Variants in KLF3 observed in about 807,000 individuals in gnomAD.
The protein encoded by KLF3 is KLF transcription factor 3.
A neutral mutation model predicts 32.7 loss-of-function variants in KLF3; 6 were observed. The ratio of observed to expected loss-of-function variants is 0.18; its 90% CI spans 0.10 to 0.36. KLF3 has a LOEUF of 0.36. Ranked by LOEUF, KLF3 falls within the 10% of genes least tolerant of loss-of-function variation. The pLI is 1.00. For synonymous variants in KLF3, 145 were observed against 172.8 expected (o/e 0.84, Z 1.26); for missense variants, 338 against 449.7 (o/e 0.75, Z 2.25).
intron 2 of KLF3, among the ~76,000 whole-genome samples, chr4:38,684,799 T>C (rs1722644495): frequency 6.6e-6 from 1 of 152,106 alleles, no homozygotes; most frequent in African/African-American, 2.4e-5. Flanking sequence ...TAAGATATCC[T>C]CCTGCCTCAG....
chr4:38,674,954 C>A lies in KLF3; in HGVS notation c.-39-5633C>A, dbSNP rs527917537. On this transcript the variant is annotated intron_variant, in intron 1 of 5. Transcript: ENST00000261438. This position sits in a 1 kb window ranked among gnomAD's most constrained non-coding sequence, Gnocchi z 4.1. ...CCCTAACCTCGTCTTCCATGAAGGA[C>A]TGTGTGTGTGTTTCTAAGCCCTGCA... is the stretch of plus-strand genomic sequence containing the variant. Among the ~76,000 whole-genome samples the A allele has an allele frequency of 1.3e-5, 2 of 152,294 alleles. No homozygotes were observed. The highest frequency in any genetic ancestry group is 3.9e-4 in the East Asian group (2 of 5,192).
At chr4:38,675,385 G>GCCCTT (rs1722312917) in intron 1 of KLF3, among the ~76,000 whole-genome samples, 1 of 129,790 alleles carries the variant, frequency 7.7e-6, no homozygotes, top group Non-Finnish European at 1.8e-5. Flanking sequence ...AAACAATTTT[G>GCCCTT]CCCTTCCCCC....
intron 1 of KLF3, 22 bp from the exon 2 acceptor site, chr4:38,680,565 G>T: frequency 8.1e-7 from 1 of 1,229,384 alleles, no homozygotes. Context: ...GACTTAGATG[G>T]ATACCTTGTT....
Position 38,700,759 on chromosome 4 carries a change from A to G in KLF3, c.*3496A>G, listed in dbSNP as rs972415530. 6.6e-6 allele frequency: 1 copy of G among 152,182 alleles called. No individual in the cohort carries two copies. Among genetic ancestry groups the G allele is most frequent in the Non-Finnish European group, 1.5e-5 (1 of 68,032 alleles). The allele number at this position is 152,182 out of a possible 1,614,324, so 9.4% of individuals were successfully genotyped here. On this transcript the variant is annotated 3_prime_UTR_variant, in exon 6 of 6. Transcript: ENST00000261438. Reference sequence around the variant, plus strand: ...ATAAACTATGCAGAAATTTTTAATAAAGTGTAATATATTTTATAAGCTAAT... The same window carrying G: ...ATAAACTATGCAGAAATTTTTAATAGAGTGTAATATATTTTATAAGCTAAT...
chr4:38,669,951 A>G (rs1440508205), intron 1 of KLF3, among the ~76,000 whole-genome samples: 1 of 33,516 alleles, frequency 3.0e-5, no homozygotes, highest in Non-Finnish European at 5.3e-5. Context: ...CCTTGTCCTT[A>G]TTCTGTAATG....
At chr4:38,685,107 A>G (rs921310271) in intron 2 of KLF3, among the ~76,000 whole-genome samples, 1 of 152,204 alleles carries the variant, frequency 6.6e-6, no homozygotes, top group Non-Finnish European at 1.5e-5. Context: ...TTGATAGAAC[A>G]TAGGAACTGT....
chr4:38,664,649 C>A (rs1721947562), intron 1 of KLF3, 188 bp downstream of exon 1: 1 of 149,792 alleles, frequency 6.7e-6, no homozygotes, highest in Non-Finnish European at 1.5e-5. Context: ...GGGGTGGGGG[C>A]GGAGAGCAAG....
intron 2 of KLF3, among the ~76,000 whole-genome samples, chr4:38,681,756 A>C (rs981738594): frequency 6.6e-6 from 1 of 152,134 alleles, no homozygotes; most frequent in Non-Finnish European, 1.5e-5. Context: ...AAGGGGGAAA[A>C]CTTGGCCCGA....
rs374565047 is a variant in KLF3 at position 38,688,356 on chromosome 4, C to G, written c.58-229C>G. ...TCAGATTTTTCATCTGCAGTAGTGA[C>G]CACATTGATCTTAGTTTTAATATTT... On this transcript the variant is annotated intron_variant, in intron 2 of 5. Transcript: ENST00000261438. This position sits in a 1 kb window ranked among gnomAD's most constrained non-coding sequence, Gnocchi z 4.9. 6.6e-6 allele frequency among the ~76,000 whole-genome samples: 1 copy of G among 152,152 alleles called. No homozygotes were observed. Among genetic ancestry groups the G allele is most frequent in the East Asian group, 1.9e-4 (1 of 5,196 alleles).
chr4:38,688,028 C>T lies in KLF3; in HGVS notation c.58-557C>T, dbSNP rs1722752974. 2.0e-5 allele frequency among the ~76,000 whole-genome samples: 3 copies of T among 152,276 alleles called. No individual in the cohort carries two copies. Among genetic ancestry groups the T allele is most frequent in the South Asian group, 4.1e-4 (2 of 4,824 alleles). ...GAAAGGTACTGCCTATCCTGCAGCCCCATTCTTGCTTATTATACACAAGTA... is the reference window on the plus strand; with the variant it reads ...GAAAGGTACTGCCTATCCTGCAGCCTCATTCTTGCTTATTATACACAAGTA... On this transcript the variant is annotated intron_variant, in intron 2 of 5. Coordinates refer to ENST00000261438, the MANE Select transcript of KLF3 (RefSeq NM_016531.6). This position sits in a 1 kb window ranked among gnomAD's most constrained non-coding sequence, Gnocchi z 4.9.
intron 4 of KLF3, among the ~76,000 whole-genome samples, chr4:38,694,257 G>A (rs1249426472): frequency 6.6e-6 from 1 of 152,198 alleles, no homozygotes; most frequent in East Asian, 1.9e-4. Context: ...AGACTTAGGA[G>A]TTTGATCTTT....
At chr4:38,677,110 G>A (rs1394443211) in intron 1 of KLF3, among the ~76,000 whole-genome samples, 3 of 151,880 alleles carry the variant, frequency 2.0e-5, no homozygotes, top group South Asian at 2.1e-4. Context: ...GCAGGTGTGC[G>A]CCACCACACC....
At chr4:38,689,643 T>A in intron 3 of KLF3, 86 bp from the exon 4 acceptor site, 1 of 920,608 alleles carries the variant, frequency 1.1e-6, no homozygotes. Flanking sequence ...CATATCTGTG[T>A]TGTAGGTAGG....
In KLF3 at chr4:38,688,833, A is replaced by G. The variant is rs1722782255; in HGVS notation, c.306A>G (p.Pro102=). The change falls in exon 3 of 6, where the codon CCA becomes CCG. Residue 102 remains proline, a synonymous_variant. Transcript: ENST00000261438. This position sits in a 1 kb window ranked among gnomAD's most constrained non-coding sequence, Gnocchi z 4.9. ...SPGLSMPSSS[P]PIKKYSPPSP... ...GGTTGAGCATGCCTTCTTCCAGCCC[A>G]CCGATAAAAAAATACTCACCCCCTT... 2 of 1,613,972 alleles carry G rather than the reference A, an allele frequency of 1.2e-6. No individual in the cohort carries two copies. The highest frequency in any genetic ancestry group is 1.7e-5 in the Admixed American group (1 of 59,998).
intron 2 of KLF3, chr4:38,680,939 A>T (rs1722504236): frequency 3.1e-6 from 1 of 317,972 alleles, no homozygotes; most frequent in Non-Finnish European, 6.2e-6. Context: ...AATCCCAGCT[A>T]CTCGGGAGGC....
At chr4:38,680,729 T>C (rs1374032866) in intron 2 of KLF3, 47 bp downstream of exon 2, 1 of 1,407,734 alleles carries the variant, frequency 7.1e-7, no homozygotes, top group Non-Finnish European at 1.0e-6. Flanking sequence ...TTCCAAGTGA[T>C]GATAACATTA....
In KLF3 at chr4:38,680,876, C is replaced by T. The variant is rs571898977; in HGVS notation, c.57+194C>T. 4.8e-5 allele frequency: 21 copies of T among 436,806 alleles called. No individual in the cohort carries two copies. The Admixed American group carries it at 7.2e-4, about 15-fold the overall frequency. 27.1% of individuals were successfully genotyped at this position (436,806 alleles called of 1,614,324 possible). A position where few individuals can be genotyped will look rare whatever the true frequency, so the allele number is the denominator to read the frequency against. On this transcript the variant is annotated intron_variant, in intron 2 of 5. Transcript: ENST00000261438. ...GACCAGCCTGACCAACATGAAGAAA[C>T]CCCGTCTCTACTAAAAATACCAAAT...
chr4:38,678,602 A>G (rs1211578416), intron 1 of KLF3, among the ~76,000 whole-genome samples: 1 of 152,218 alleles, frequency 6.6e-6, no homozygotes, highest in African/African-American at 2.4e-5. Flanking sequence ...GCTTTCTTCA[A>G]TGAATCAACG....
intron 1 of KLF3, among the ~76,000 whole-genome samples, chr4:38,668,872 G>A (rs191295489): frequency 1.2e-4 from 18 of 152,324 alleles, no homozygotes; most frequent in African/African-American, 4.1e-4. Context: ...TAAATGCTAA[G>A]CTGAATAGTT....
Sources: allele counts gnomAD v4.1 joint callset (sites outside exome capture counted in the v4.1 genomes callset), GRCh38; gene constraint gnomAD v4.1.1; non-coding constraint Gnocchi (gnomAD v3.1); transcripts MANE v1.5; gene names NCBI Gene and HGNC (gene_info 2026-07-23, HGNC 2026-07-21).